FAM117B: variants seen among roughly 807,000 people sequenced by gnomAD.
FAM117B encodes the protein family with sequence similarity 117 member B.
Under a neutral mutation model 52.8 loss-of-function variants are expected in FAM117B, and 22 were observed. That is an observed-to-expected ratio of 0.42 (90% CI 0.30 to 0.59). The LOEUF (loss-of-function observed/expected upper bound fraction) is 0.59, where lower values mean the gene tolerates loss of function less well. FAM117B is among the 20% of genes least tolerant of loss of function. The pLI, the probability that FAM117B is intolerant of heterozygous loss-of-function variation, is 0.22. For synonymous variants in FAM117B, 309 were observed against 324.1 expected (o/e 0.95, Z 0.50); for missense variants, 678 against 802.6 (o/e 0.84, Z 1.88).
intron 1 of FAM117B, among the ~76,000 whole-genome samples, chr2:202,639,746 A>G (rs1429985219): frequency 6.6e-6 from 1 of 152,180 alleles, no homozygotes; most frequent in Non-Finnish European, 1.5e-5. Flanking sequence ...ATAAGGGAAA[A>G]CTGAAAAACA....
At chr2:202,703,787 A>T (rs2105779691) in intron 2 of FAM117B, among the ~76,000 whole-genome samples, 1 of 152,316 alleles carries the variant, frequency 6.6e-6, no homozygotes, top group Middle Eastern at 3.4e-3. Context: ...GTGTACATGC[A>T]AGTATCTGTG....
chr2:202,755,527 A>G lies in FAM117B; in HGVS notation c.961-11A>G. 6 of 1,612,532 alleles carry G rather than the reference A, an allele frequency of 3.7e-6. No individual in the cohort carries two copies. Among genetic ancestry groups the G allele is most frequent in the Non-Finnish European group, 5.1e-6 (6 of 1,179,300 alleles). On this transcript the variant is annotated splice_polypyrimidine_tract_variant and intron_variant, in intron 4 of 7. Coordinates refer to ENST00000392238, the MANE Select transcript of FAM117B (RefSeq NM_173511.4). ...ATGTTAAGCCTCTCTTCTCCATCCCATTTTCTTAAGGCTCCTGTTCCAAAG... is the reference window on the plus strand; with the variant it reads ...ATGTTAAGCCTCTCTTCTCCATCCCGTTTTCTTAAGGCTCCTGTTCCAAAG...
At chr2:202,653,772 G>A (rs757873765) in intron 1 of FAM117B, among the ~76,000 whole-genome samples, 7 of 151,932 alleles carry the variant, frequency 4.6e-5, no homozygotes, top group Non-Finnish European at 1.0e-4. Flanking sequence ...CAATTAAAGT[G>A]CGGCAAACAC....
At chr2:202,668,154 AT>A (rs1231432158) in intron 1 of FAM117B, among the ~76,000 whole-genome samples, 1 of 140,206 alleles carries the variant, frequency 7.1e-6, no homozygotes. Context: ...ATATAAATAT[AT>A]AATTATATAA....
chr2:202,738,438 A>G (rs1691473781), intron 4 of FAM117B, among the ~76,000 whole-genome samples: 1 of 152,194 alleles, frequency 6.6e-6, no homozygotes, highest in South Asian at 2.1e-4. Flanking sequence ...TTTAAGGGAA[A>G]TGGAGAATTT....
At chr2:202,650,708 A>G (rs1689942907) in intron 1 of FAM117B, among the ~76,000 whole-genome samples, 1 of 152,174 alleles carries the variant, frequency 6.6e-6, no homozygotes, top group African/African-American at 2.4e-5. Flanking sequence ...CACTGGTGTA[A>G]ATCCAAGAGT....
At chr2:202,701,047 A>G (rs1690788842) in intron 2 of FAM117B, among the ~76,000 whole-genome samples, 1 of 152,210 alleles carries the variant, frequency 6.6e-6, no homozygotes, top group Non-Finnish European at 1.5e-5. Flanking sequence ...GATGCCGTCT[A>G]GGACTTTCAT....
At chr2:202,711,559 A>T (rs908654730) in intron 2 of FAM117B, among the ~76,000 whole-genome samples, 2 of 151,992 alleles carry the variant, frequency 1.3e-5, no homozygotes, top group Non-Finnish European at 2.9e-5. Flanking sequence ...ATATGACCCT[A>T]TTTGTCCATT....
intron 1 of FAM117B, among the ~76,000 whole-genome samples, chr2:202,692,055 G>A (rs1315337448): frequency 2.6e-5 from 4 of 152,114 alleles, no homozygotes; most frequent in East Asian, 1.9e-4. Flanking sequence ...TGTAACTATT[G>A]TATTAGTGGA....
Position 202,763,315 on chromosome 2 carries a change from G to T in FAM117B, c.1452-2131G>T, listed in dbSNP as rs574468747. On this transcript the variant is annotated intron_variant, in intron 7 of 7. Transcript: ENST00000392238. ...TCTCGATCTCCTGACCTCATGATCC[G>T]CTCGCCTTGGCCTCCCAAAGTGCTG... 2.3e-4 allele frequency among the ~76,000 whole-genome samples: 35 copies of T among 152,040 alleles called. No individual in the cohort carries two copies. The South Asian group carries it at 6.9e-3, about 30-fold the overall frequency.
intron 1 of FAM117B, among the ~76,000 whole-genome samples, chr2:202,649,167 T>C (rs1183176928): frequency 6.6e-6 from 1 of 152,232 alleles, no homozygotes; most frequent in Non-Finnish European, 1.5e-5. Flanking sequence ...TGAACATTTT[T>C]TCCCCATCCT....
intron 4 of FAM117B, among the ~76,000 whole-genome samples, chr2:202,732,472 A>G (rs1478744728): frequency 2.0e-5 from 3 of 152,204 alleles, no homozygotes; most frequent in Non-Finnish European, 4.4e-5. Flanking sequence ...ATTTTATTTG[A>G]TCATAAAAAA....
chr2:202,763,333 A>T (rs1691925733), intron 7 of FAM117B, among the ~76,000 whole-genome samples: 1 of 152,054 alleles, frequency 6.6e-6, no homozygotes, highest in South Asian at 2.1e-4. Flanking sequence ...TGGCCTCCCA[A>T]AGTGCTGGGA....
intron 1 of FAM117B, among the ~76,000 whole-genome samples, chr2:202,666,881 GT>G (rs926024856): frequency 2.0e-5 from 3 of 151,706 alleles, no homozygotes; most frequent in Non-Finnish European, 2.9e-5. Flanking sequence ...TCCTGACCTC[GT>G]GATCCACCTG....
At chr2:202,718,448 T>C (rs1691091555) in intron 2 of FAM117B, among the ~76,000 whole-genome samples, 1 of 152,222 alleles carries the variant, frequency 6.6e-6, no homozygotes, top group Non-Finnish European at 1.5e-5. Flanking sequence ...TCTGCATCTA[T>C]TGAAATGATC....
At chr2:202,635,841 C>A in intron 1 of FAM117B, 53 bp downstream of exon 1, 1 of 1,351,308 alleles carries the variant, frequency 7.4e-7, no homozygotes, top group Non-Finnish European at 9.5e-7. Flanking sequence ...GAAGGGGTCC[C>A]GGGCGCGCGC....
At position 202,732,708 on chromosome 2, in the gene FAM117B, C is replaced by CT. The variant is rs1253620673; in HGVS notation, c.960+6346dup. On this transcript the variant is annotated intron_variant, in intron 4 of 7. Coordinates refer to ENST00000392238, the MANE Select transcript of FAM117B (RefSeq NM_173511.4). Reference sequence around the variant, plus strand: ...TGGCGGCACGTGCCTGTAGTCCCAGCTACTCGGGAGGCTGCGGCAGGAGAA... The same window carrying CT: ...TGGCGGCACGTGCCTGTAGTCCCAGCTTACTCGGGAGGCTGCGGCAGGAGAA... Among the ~76,000 whole-genome samples, 17 of 152,234 alleles carry CT rather than the reference C, an allele frequency of 1.1e-4. No individual in the cohort carries two copies. The East Asian group carries it at 3.1e-3, about 28-fold the overall frequency.
chr2:202,765,361 A>G, intron 7 of FAM117B, 85 bp from the exon 8 acceptor site: 1 of 1,306,004 alleles, frequency 7.7e-7, no homozygotes, highest in Non-Finnish European at 1.1e-6. Flanking sequence ...TTAAAAAATA[A>G]AAGAGCTTGT....
chr2:202,757,849 T>A (rs1053832014), intron 6 of FAM117B, among the ~76,000 whole-genome samples: 4 of 152,214 alleles, frequency 2.6e-5, no homozygotes, highest in African/African-American at 9.6e-5. Context: ...CTTGTGACAT[T>A]TTAAACAAGG....
Sources: gnomAD v4.1 joint callset for allele counts (sites outside exome capture counted in the v4.1 genomes callset) on GRCh38, gnomAD v4.1.1 for gene constraint, MANE v1.5 for transcripts, NCBI Gene and HGNC (gene_info 2026-07-23, HGNC 2026-07-21) for gene names.